PCDHGB1: variants seen among roughly 807,000 people sequenced by gnomAD.
PCDHGB1 encodes the protein protocadherin gamma-B1.
In PCDHGB1, 34 loss-of-function variants were observed where a neutral mutation model predicts 56.6. The ratio of observed to expected loss-of-function variants is 0.60; its 90% CI spans 0.46 to 0.80. The LOEUF (loss-of-function observed/expected upper bound fraction) is 0.80, where lower values mean the gene tolerates loss of function less well. Ranked by LOEUF, PCDHGB1 falls within the 30% of genes least tolerant of loss-of-function variation. The pLI is 0.00. For synonymous variants in PCDHGB1, 561 were observed against 505.9 expected (o/e 1.11, Z -1.46); for missense variants, 1,278 against 1,204.6 (o/e 1.06, Z -0.90).
rs773609097 is a variant in PCDHGB1 at position 141,408,614 on chromosome 5, A to C, written c.2409+55945A>C. 2.2e-5 allele frequency: 36 copies of C among 1,614,008 alleles called. No individual in the cohort carries two copies. Among genetic ancestry groups the C allele is most frequent in the Non-Finnish European group, 3.1e-5 (36 of 1,179,890 alleles). On this transcript the variant is annotated intron_variant, in intron 1 of 3. Coordinates refer to ENST00000523390, the MANE Select transcript of PCDHGB1 (RefSeq NM_018922.3). The stretch of plus-strand genomic sequence containing the variant: ...CGCCCCTCAATTTGATAAAAAGGAA[A>C]TACATTTAGAAATTTTCGAATCTGC...
At chr5:141,408,851 G>C in intron 1 of PCDHGB1, 1 of 1,613,574 alleles carries the variant, frequency 6.2e-7, no homozygotes, top group Non-Finnish European at 8.5e-7. Flanking sequence ...TGCCTTGGAC[G>C]GAGGGGACCC....
chr5:141,400,023 C>A (rs755667675), intron 1 of PCDHGB1: 38 of 1,612,754 alleles, frequency 2.4e-5, no homozygotes, highest in Non-Finnish European at 3.2e-5. Flanking sequence ...GCGACAGGGA[C>A]GCGGCCCGCC....
At chr5:141,488,687 GA>G (rs1238909682) in intron 1 of PCDHGB1, among the ~76,000 whole-genome samples, 1 of 152,192 alleles carries the variant, frequency 6.6e-6, no homozygotes, top group East Asian at 1.9e-4. Flanking sequence ...GCCTCTCCCA[GA>G]AGGACAAGAT....
Position 141,432,530 on chromosome 5 carries a change from G to C in PCDHGB1, c.2410-62277G>C. On this transcript the variant is annotated intron_variant, in intron 1 of 3. Transcript: ENST00000523390. This position sits in a 1 kb window ranked among gnomAD's most constrained non-coding sequence, Gnocchi z 6.0. ...AGAGCCCGGCTACCTGGTGACCAAG[G>C]TGGTGGCGGTGGACAGAGACTCCGG... 6.2e-7 allele frequency: 1 copy of C among 1,614,076 alleles called. No homozygotes were observed. Among genetic ancestry groups the C allele is most frequent in the South Asian group, 1.1e-5 (1 of 91,082 alleles).
At chr5:141,375,176 GT>G (rs1486897870) in intron 1 of PCDHGB1, 1 of 1,614,018 alleles carries the variant, frequency 6.2e-7, no homozygotes, top group South Asian at 1.1e-5. Flanking sequence ...TCCAGGAACA[GT>G]AATCGCCCTT....
chr5:141,505,259 C>A, intron 2 of PCDHGB1, 134 bp from the exon 3 acceptor site: 1 of 1,500,262 alleles, frequency 6.7e-7, no homozygotes, highest in Non-Finnish European at 8.9e-7. Context: ...GTGCCTCCTA[C>A]CTTGCTGAGA....
Position 141,477,914 on chromosome 5 carries a change from G to T in PCDHGB1, c.2410-16893G>T. On this transcript the variant is annotated intron_variant, in intron 1 of 3. Coordinates refer to ENST00000523390, the MANE Select transcript of PCDHGB1 (RefSeq NM_018922.3). The surrounding 1 kb of genome is among the most constrained non-coding windows in gnomAD (Gnocchi z 4.9). ...ACGGGTGGTAGGCTGGGACGCGGAT[G>T]CAGGGCACAATGCCTGGCTCTCCTA... 2 of 1,614,204 alleles carry T rather than the reference G, an allele frequency of 1.2e-6. No homozygotes were observed. The highest frequency in any genetic ancestry group is 1.7e-6 in the Non-Finnish European group (2 of 1,180,044).
chr5:141,377,571 G>A (rs1188090213), intron 1 of PCDHGB1: 1 of 151,658 alleles, frequency 6.6e-6, no homozygotes, highest in African/African-American at 2.4e-5. Context: ...ACCCTAGCCT[G>A]GGAGACAGAA....
In PCDHGB1 at chr5:141,423,579, G is replaced by A. The variant is rs760902886; in HGVS notation, c.2409+70910G>A. 6 of 1,613,378 alleles carry A rather than the reference G, an allele frequency of 3.7e-6. No homozygotes were observed. In the East Asian group the frequency reaches 1.3e-4, roughly 36 times the overall value. ...ATGGGGACACGCTCATCAGCCAGGA[G>A]AGCTGTGAGAAAAGCGAGCCACTCT... On this transcript the variant is annotated intron_variant, in intron 1 of 3. Transcript: ENST00000523390.
At chr5:141,445,148 C>T (rs1051995635) in intron 1 of PCDHGB1, among the ~76,000 whole-genome samples, 3 of 152,092 alleles carry the variant, frequency 2.0e-5, no homozygotes, top group Non-Finnish European at 4.4e-5. Context: ...TCTAATTGTT[C>T]ATTTCTAGTT....
chr5:141,356,705 C>T (rs765106092), intron 1 of PCDHGB1: 1 of 1,614,020 alleles, frequency 6.2e-7, no homozygotes, highest in Non-Finnish European at 8.5e-7. Context: ...GCACCTCTGT[C>T]CTCCTATGTC....
At chr5:141,434,843 G>C (rs1302739038) in intron 1 of PCDHGB1, among the ~76,000 whole-genome samples, 2 of 151,746 alleles carry the variant, frequency 1.3e-5, no homozygotes, top group African/African-American at 4.8e-5. Flanking sequence ...TTATAAAGCA[G>C]ACATCAATAA....
intron 1 of PCDHGB1, among the ~76,000 whole-genome samples, chr5:141,444,703 T>A (rs963617867): frequency 6.6e-6 from 1 of 152,248 alleles, no homozygotes; most frequent in Non-Finnish European, 1.5e-5. Context: ...TTCCTCTTTC[T>A]GTTGAATTTG....
chr5:141,418,938 C>A, intron 1 of PCDHGB1: 3 of 1,613,738 alleles, frequency 1.9e-6, no homozygotes, highest in Non-Finnish European at 2.5e-6. Flanking sequence ...ATGGAGGATT[C>A]CCCTCCAGGA....
chr5:141,355,903 A>G (rs1174230153), intron 1 of PCDHGB1: 1 of 1,613,604 alleles, frequency 6.2e-7, no homozygotes, highest in African/African-American at 1.3e-5. Flanking sequence ...ACTTGTGGAT[A>G]CCAACGATAA....
intron 1 of PCDHGB1, chr5:141,375,956 G>T: frequency 1.2e-6 from 2 of 1,613,506 alleles, no homozygotes; most frequent in Non-Finnish European, 1.7e-6. Flanking sequence ...GCACACGGGC[G>T]AGGTGCGCAC....
intron 1 of PCDHGB1, among the ~76,000 whole-genome samples, chr5:141,353,602 C>T (rs1371999385): frequency 6.6e-6 from 1 of 152,302 alleles, no homozygotes; most frequent in East Asian, 1.9e-4. Context: ...ATTTTCTTAA[C>T]CATTCCTAAA....
intron 1 of PCDHGB1, chr5:141,415,756 T>G (rs756759295): frequency 1.5e-4 from 214 of 1,386,812 alleles, no homozygotes; most frequent in African/African-American, 5.9e-4. Flanking sequence ...TTTTTTTTTT[T>G]TTTTTTTTTT....
chr5:141,440,693 C>T (rs2098194597), intron 1 of PCDHGB1: 1 of 152,136 alleles, frequency 6.6e-6, no homozygotes, highest in Non-Finnish European at 1.5e-5. Context: ...GTAAAAGTGA[C>T]CAACAGTGGA....
Sources: gnomAD v4.1 joint callset for allele counts (sites outside exome capture counted in the v4.1 genomes callset) on GRCh38, gnomAD v4.1.1 for gene constraint, Gnocchi (gnomAD v3.1) non-coding constraint, MANE v1.5 for transcripts, NCBI Gene and HGNC (gene_info 2026-07-23, HGNC 2026-07-21) for gene names.